The following INTS4 variants were observed in gnomAD, a reference collection of about 807,000 sequenced individuals.
INTS4 encodes the protein MSTP093.
Under a neutral mutation model 119.5 loss-of-function variants are expected in INTS4, and 70 were observed. The ratio of observed to expected loss-of-function variants is 0.59; its 90% CI spans 0.48 to 0.71. The LOEUF is 0.71. Among genes scored for constraint, INTS4 ranks in the 30% least tolerant of loss-of-function variants. The pLI is 0.00. For missense variants in INTS4, 867 were observed against 1,173.2 expected, an observed-to-expected ratio of 0.74 and a Z score of 3.81; for synonymous variants, 316 against 419.6, an observed-to-expected ratio of 0.75 and a Z score of 3.02.
At chr11:77,912,821 A>G (rs1479088917) in intron 15 of INTS4, among the ~76,000 whole-genome samples, 1 of 152,238 alleles carries the variant, frequency 6.6e-6, no homozygotes, top group Non-Finnish European at 1.5e-5. Context: ...AATACTACAC[A>G]ATAGGTGCTC....
At chr11:77,899,985 TA>T (rs951328649) in intron 18 of INTS4, among the ~76,000 whole-genome samples, 1 of 151,958 alleles carries the variant, frequency 6.6e-6, no homozygotes, top group Non-Finnish European at 1.5e-5. Context: ...ATATATAAAC[TA>T]AAAAAAATCT....
At position 77,928,243 on chromosome 11, in the gene INTS4, C is replaced by T. The variant is rs1591067244; in HGVS notation, c.1371+99G>A. 5 of 1,254,786 alleles carry T rather than the reference C, an allele frequency of 4.0e-6. No individual in the cohort carries two copies. The East Asian group carries it at 9.7e-5, about 24-fold the overall frequency. 77.7% of individuals were successfully genotyped at this position (1,254,786 alleles called of 1,614,324 possible). On this transcript the variant is annotated intron_variant, in intron 11 of 22. Coordinates refer to ENST00000534064, the MANE Select transcript of INTS4 (RefSeq NM_033547.4). ...ATGGTGAGAAAACAGAACTGTGCTC[C>T]CTGATATAGTGTTCTGTCACCAATG...
chr11:77,916,352 C>A (rs1374056877), intron 15 of INTS4, among the ~76,000 whole-genome samples: 1 of 152,208 alleles, frequency 6.6e-6, no homozygotes, highest in Non-Finnish European at 1.5e-5. Context: ...TGCTCCTAGG[C>A]TACAAATCTG....
intron 10 of INTS4, among the ~76,000 whole-genome samples, chr11:77,933,318 CCCTG>C (rs1953703402): frequency 6.6e-6 from 1 of 152,028 alleles, no homozygotes; most frequent in South Asian, 2.1e-4. Context: ...ACTGCAACCT[CCCTG>C]CCTGATTGTC....
chr11:77,907,868 A>G, intron 15 of INTS4, 58 bp from the exon 16 acceptor site: 2 of 1,083,210 alleles, frequency 1.8e-6, no homozygotes, highest in South Asian at 2.7e-5. Context: ...CACCAACATA[A>G]AGATCATGTC....
chr11:77,984,884 A>C (rs1350766567), intron 2 of INTS4, among the ~76,000 whole-genome samples: 1 of 134,522 alleles, frequency 7.4e-6, no homozygotes, highest in African/African-American at 2.8e-5. Flanking sequence ...AAAAGGGAAA[A>C]AAGGGGGGGA....
chr11:77,937,817 G>A (rs76948373), intron 10 of INTS4, among the ~76,000 whole-genome samples: 11 of 146,602 alleles, frequency 7.5e-5, no homozygotes, highest in African/African-American at 2.5e-4. Context: ...ATATCTTTCT[G>A]TATTTATTTA....
At chr11:77,955,775 TGA>T (rs111550299) in intron 8 of INTS4, among the ~76,000 whole-genome samples, 165 bp downstream of exon 8, 19,810 of 152,156 alleles carry the variant, frequency 0.13, 1,464 homozygotes, top group East Asian at 0.25. Context: ...ATTACAGGTG[TGA>T]GTCACCGCAC....
intron 15 of INTS4, among the ~76,000 whole-genome samples, chr11:77,914,534 A>C (rs1395482537): frequency 6.6e-6 from 1 of 152,200 alleles, no homozygotes; most frequent in Admixed American, 6.5e-5. Context: ...AAAGGACTGG[A>C]ATCTCCGCTT....
intron 10 of INTS4, among the ~76,000 whole-genome samples, chr11:77,931,440 T>G (rs1271109711): frequency 1.3e-5 from 2 of 152,250 alleles, no homozygotes; most frequent in Non-Finnish European, 2.9e-5. Flanking sequence ...TATGGTATAC[T>G]CACTTTTTAA....
chr11:77,984,165 G>A (rs149150976), intron 2 of INTS4, among the ~76,000 whole-genome samples: 32 of 152,238 alleles, frequency 2.1e-4, no homozygotes, highest in Non-Finnish European at 4.3e-4. Context: ...CCACTTATAT[G>A]AGGTACTTAG....
At chr11:77,902,281 C>T (rs1275422954) in intron 17 of INTS4, among the ~76,000 whole-genome samples, 4 of 152,172 alleles carry the variant, frequency 2.6e-5, no homozygotes, top group Admixed American at 6.5e-5. Flanking sequence ...TCAAATGGAG[C>T]ATGCAATGTG....
chr11:77,926,415 T>C (rs1267457851), intron 11 of INTS4, among the ~76,000 whole-genome samples: 1 of 152,212 alleles, frequency 6.6e-6, no homozygotes, highest in Non-Finnish European at 1.5e-5. Context: ...AACAATTCTG[T>C]ACATCAAAAC....
At chr11:77,881,319 C>T (rs1008159873) in intron 22 of INTS4, among the ~76,000 whole-genome samples, 1 of 152,196 alleles carries the variant, frequency 6.6e-6, no homozygotes, top group African/African-American at 2.4e-5. Flanking sequence ...AGCATCCTGC[C>T]TCCCAGAGGA....
intron 8 of INTS4, among the ~76,000 whole-genome samples, chr11:77,955,496 C>CG: frequency 7.4e-6 from 1 of 135,512 alleles, no homozygotes; most frequent in South Asian, 2.4e-4. Flanking sequence ...TAATCCCAGC[C>CG]TTTTTTTTTT....
Position 77,961,143 on chromosome 11 carries a change from T to TAAAAAAAA in INTS4, c.472-13_472-6dup, listed in dbSNP as rs11370501. 1.1e-4 allele frequency: 138 copies of TAAAAAAAA among 1,216,454 alleles called. 1 individual carries two copies. Among genetic ancestry groups the TAAAAAAAA allele is most frequent in the South Asian group, 1.0e-3 (37 of 36,726 alleles). The allele number at this position is 1,216,454 out of a possible 1,614,324, so 75.4% of individuals were successfully genotyped here. A position where few individuals can be genotyped will look rare whatever the true frequency, so the allele number is the denominator to read the frequency against. On this transcript the variant is annotated splice_region_variant and splice_polypyrimidine_tract_variant and intron_variant, in intron 4 of 22. Transcript: ENST00000534064. ...ATGAGACGTATCTGTCAGATGCTAT[T>TAAAAAAAA]AAAAAAAAAAAAAAAAAGAAAAAAA...
intron 15 of INTS4, 118 bp downstream of exon 15, chr11:77,918,703 T>G (rs1953266577): frequency 1.4e-6 from 2 of 1,395,376 alleles, no homozygotes; most frequent in Non-Finnish European, 1.9e-6. Flanking sequence ...TAAAACCGTG[T>G]GTGAATGTAG....
chr11:77,949,662 A>G (rs929368166), intron 8 of INTS4, among the ~76,000 whole-genome samples: 5 of 152,218 alleles, frequency 3.3e-5, no homozygotes, highest in African/African-American at 4.8e-5. Context: ...CAAAACCACA[A>G]TGAGATACCA....
At chr11:77,911,340 G>A (rs1953085614) in intron 15 of INTS4, among the ~76,000 whole-genome samples, 1 of 152,176 alleles carries the variant, frequency 6.6e-6, no homozygotes, top group South Asian at 2.1e-4. Flanking sequence ...TGAGTTTGGT[G>A]GCCAGATGGT....
Sources: allele counts gnomAD v4.1 joint callset (sites outside exome capture counted in the v4.1 genomes callset), GRCh38; gene constraint gnomAD v4.1.1; transcripts MANE v1.5; gene names NCBI Gene and HGNC (gene_info 2026-07-23, HGNC 2026-07-21).